Variants in NHSL2 observed in about 807,000 individuals in gnomAD.
NHSL2 encodes NHS-like protein 2.
A neutral mutation model predicts 53.4 loss-of-function variants in NHSL2; 27 were observed. The observed-to-expected ratio is 0.51, with a 90% confidence interval of 0.37 to 0.70. The LOEUF (loss-of-function observed/expected upper bound fraction) is 0.70, where lower values mean the gene tolerates loss of function less well. NHSL2 is among the 30% of genes least tolerant of loss of function. The probability of loss-of-function intolerance (pLI) is 0.00; values close to 1 mark genes in which losing one functional copy is unlikely to be tolerated. For missense variants in NHSL2, 892 were observed against 980.1 expected (o/e 0.91, Z 1.20); for synonymous variants, 408 against 404.1 (o/e 1.01, Z -0.12).
At chrX:72,089,201 T>C (rs1374937207) in intron 1 of NHSL2, among the ~76,000 whole-genome samples, 3 of 109,552 alleles carry the variant, frequency 2.7e-5, no homozygotes, top group Non-Finnish European at 5.7e-5. Flanking sequence ...AGAATAATAA[T>C]GTCAATACTT....
intron 1 of NHSL2, among the ~76,000 whole-genome samples, chrX:71,943,907 A>G (rs1569465064): frequency 8.9e-6 from 1 of 112,044 alleles, no homozygotes; most frequent in Non-Finnish European, 1.9e-5. Flanking sequence ...TTGTTGCCTC[A>G]TGGTCACAGG....
chrX:71,979,584 C>T (rs1393673683), intron 1 of NHSL2, among the ~76,000 whole-genome samples: 3 of 112,333 alleles, frequency 2.7e-5, no homozygotes, highest in Non-Finnish European at 5.6e-5. Context: ...TGTTCATATC[C>T]TTCACCCACT....
intron 1 of NHSL2, chrX:72,131,038 A>G (rs1239370511): frequency 8.3e-7 from 1 of 1,208,757 alleles, no homozygotes; most frequent in Non-Finnish European, 1.1e-6. Flanking sequence ...CTCTAGCTGC[A>G]TCAGGAATTC....
At chrX:72,006,583 C>T (rs1456842002) in intron 1 of NHSL2, among the ~76,000 whole-genome samples, 1 of 112,548 alleles carries the variant, frequency 8.9e-6, no homozygotes, top group East Asian at 2.8e-4. Flanking sequence ...CTCCAGCTCT[C>T]GCTCTGTTGC....
intron 1 of NHSL2, among the ~76,000 whole-genome samples, chrX:71,957,202 C>T (rs2041846415): frequency 8.9e-6 from 1 of 112,228 alleles, no homozygotes; most frequent in Non-Finnish European, 1.9e-5. Context: ...CACTTTGCCT[C>T]ATGTTTGCCC....
chrX:72,018,451 C>T (rs952434760), intron 1 of NHSL2, among the ~76,000 whole-genome samples: 2 of 112,968 alleles, frequency 1.8e-5, no homozygotes, highest in Non-Finnish European at 1.9e-5. Flanking sequence ...GGGCTTTTAG[C>T]GCCAGAAGCT....
chrX:72,086,272 T>A (rs2041842504), intron 1 of NHSL2, among the ~76,000 whole-genome samples: 1 of 112,165 alleles, frequency 8.9e-6, no homozygotes, highest in African/African-American at 3.3e-5. Flanking sequence ...TACCAAAATA[T>A]CTTGCTGGCC....
chrX:71,942,972 CTGTGTGTG>C (rs58935869), intron 1 of NHSL2, among the ~76,000 whole-genome samples: 1,805 of 73,980 alleles, frequency 0.024, 36 homozygotes, highest in African/African-American at 0.074. Flanking sequence ...CTCTCTCTCT[CTGTGTGTG>C]TGTGTGTGTG....
intron 1 of NHSL2, among the ~76,000 whole-genome samples, chrX:71,926,263 C>T (rs549780876): frequency 8.9e-6 from 1 of 111,825 alleles, no homozygotes; most frequent in East Asian, 2.8e-4. Context: ...CTGACCTGCC[C>T]ACAGTGGCAA....
intron 1 of NHSL2, among the ~76,000 whole-genome samples, chrX:72,123,066 C>G (rs755599137): frequency 8.9e-6 from 1 of 111,960 alleles, no homozygotes; most frequent in East Asian, 2.8e-4. Flanking sequence ...AGGGGCTTGT[C>G]TGGGGAGTGG....
At chrX:72,111,951 G>C (rs2042097275) in intron 1 of NHSL2, among the ~76,000 whole-genome samples, 1 of 110,783 alleles carries the variant, frequency 9.0e-6, no homozygotes, top group Admixed American at 9.7e-5. Flanking sequence ...ATGAAGAAAA[G>C]TAAGCAGAGT....
chrX:71,927,700 C>T (rs1444925514), intron 1 of NHSL2, among the ~76,000 whole-genome samples: 4 of 110,952 alleles, frequency 3.6e-5, no homozygotes, highest in Admixed American at 9.5e-5. Flanking sequence ...AGATTACAGG[C>T]GCCTGCCACC....
rs1445211419 is a variant in NHSL2, at chrX:72,044,565, C to A, written c.281-87514C>A. ...CCAAGATGACAAAGAAAAGAAGGAA[C>A]AACAGTCATGCCAAAAAGGGCCGCG... On this transcript the variant is annotated intron_variant, in intron 1 of 7. Coordinates refer to ENST00000633930, the MANE Select transcript of NHSL2 (RefSeq NM_001013627.3). 7.8e-6 allele frequency: 7 copies of A among 900,878 alleles called. No individual in the cohort carries two copies. In the African/African-American group the frequency reaches 7.8e-5, roughly 10 times the overall value. The allele number at this position is 900,878 out of a possible 1,213,427, so 74.2% of individuals were successfully genotyped here.
At chrX:71,946,678 T>C (rs928705426) in intron 1 of NHSL2, among the ~76,000 whole-genome samples, 1 of 112,005 alleles carries the variant, frequency 8.9e-6, no homozygotes, top group African/African-American at 3.2e-5. Context: ...TTACAACTTA[T>C]CTCCTGGTTT....
Position 72,143,673 on chromosome X carries a change from C to T in NHSL2, c.*99C>T. 1.8e-6 allele frequency: 1 copy of T among 543,073 alleles called. No homozygotes were observed. Among genetic ancestry groups the T allele is most frequent in the East Asian group, 3.7e-5 (1 of 27,100 alleles). 44.8% of individuals were successfully genotyped at this position (543,073 alleles called of 1,213,427 possible). A position where few individuals can be genotyped will look rare whatever the true frequency, so the allele number is the denominator to read the frequency against. ...AGAACCATGGGAACAACAGAGCCTA[C>T]ATTTCTTTTATATTAACTCACACTC... On this transcript the variant is annotated 3_prime_UTR_variant, in exon 8 of 8. Coordinates refer to ENST00000633930, the MANE Select transcript of NHSL2 (RefSeq NM_001013627.3).
intron 1 of NHSL2, among the ~76,000 whole-genome samples, chrX:72,055,168 G>A (rs1368456969): frequency 2.7e-5 from 3 of 111,863 alleles, no homozygotes; most frequent in South Asian, 7.5e-4. Flanking sequence ...TTTTCAGTTA[G>A]GTCCGAATCC....
chrX:72,139,298 C>G lies in NHSL2; in HGVS notation c.1750C>G (p.Leu584Val). The G allele has an allele frequency of 8.3e-7, 1 of 1,207,436 alleles. No homozygotes were observed. Among genetic ancestry groups the G allele is most frequent in the East Asian group, 3.0e-5 (1 of 33,616 alleles). Residue 584 changes from leucine to valine, a missense_variant, in exon 6 of 8, where the codon CTC becomes GTC. By Grantham distance (32) the Leu-to-Val change is conservative. Transcript: ENST00000633930. ...SVSLVKDEPG[L>V]LPEGGSALPK... Reference sequence around the variant, plus strand: ...CTCACTGGTCAAAGATGAGCCAGGCCTCTTGCCTGAAGGTGGGTCAGCACT... The same window carrying G: ...CTCACTGGTCAAAGATGAGCCAGGCGTCTTGCCTGAAGGTGGGTCAGCACT...
chrX:71,992,942 G>A (rs760957061), intron 1 of NHSL2, among the ~76,000 whole-genome samples: 1 of 112,232 alleles, frequency 8.9e-6, no homozygotes, highest in East Asian at 2.8e-4. Context: ...GGACCTGGCT[G>A]TAGCTGTAGT....
intron 1 of NHSL2, among the ~76,000 whole-genome samples, chrX:72,125,229 G>A (rs1332766442): frequency 1.8e-5 from 2 of 112,165 alleles, no homozygotes; most frequent in East Asian, 2.8e-4. Flanking sequence ...TCATTTCAGT[G>A]CATCCTTCCA....
Sources: allele counts gnomAD v4.1 joint callset (sites outside exome capture counted in the v4.1 genomes callset), GRCh38; gene constraint gnomAD v4.1.1; transcripts MANE v1.5; gene names NCBI Gene and HGNC (gene_info 2026-07-23, HGNC 2026-07-21).